Variants in CHRAC1 observed in about 807,000 individuals in gnomAD.
CHRAC1 encodes chromatin accessibility complex protein 1.
In CHRAC1, 6 loss-of-function variants were observed where a neutral mutation model predicts 9.1. That is an observed-to-expected ratio of 0.66 (90% CI 0.36 to 1.29). The LOEUF (loss-of-function observed/expected upper bound fraction) is 1.29. Ranked by LOEUF, CHRAC1 falls within the 50% of genes most tolerant of loss-of-function variation. The probability of loss-of-function intolerance (pLI) is 0.03; values close to 1 mark genes in which losing one functional copy is unlikely to be tolerated. For synonymous variants in CHRAC1, 73 were observed against 64.5 expected, an observed-to-expected ratio of 1.13 and a Z score of -0.63; for missense variants, 168 against 163.5, an observed-to-expected ratio of 1.03 and a Z score of -0.15.
At chr8:140,515,028 A>G (rs1399792048) in intron 2 of CHRAC1, 98 bp from the exon 3 acceptor site, 3 of 1,175,364 alleles carry the variant, frequency 2.6e-6, no homozygotes, top group African/African-American at 3.1e-5. Flanking sequence ...GGAACCTCTT[A>G]TAGAGGTCAA....
Position 140,511,533 on chromosome 8 carries a change from G to A in CHRAC1, c.34G>A (p.Gly12Arg). 1 of 1,403,318 alleles carries A rather than the reference G, an allele frequency of 7.1e-7. No individual in the cohort carries two copies. The highest frequency in any genetic ancestry group is 1.5e-5 in the African/African-American group (1 of 67,002). 86.9% of individuals were successfully genotyped at this position (1,403,318 alleles called of 1,614,324 possible). A position where few individuals can be genotyped will look rare whatever the true frequency, so the allele number is the denominator to read the frequency against. Residue 12 changes from glycine to arginine, a missense_variant, in exon 1 of 3, where the codon GGG becomes AGG. Coordinates refer to ENST00000220913, the MANE Select transcript of CHRAC1 (RefSeq NM_017444.6). ...CGTGGTCGTGGGTAAAGACAAGGGC[G>A]GGGAGCAGCGGCTCATCTCGCTGCC... ...ADVVVGKDKG[G>R]EQRLISLPLS...
Position 140,511,404 on chromosome 8 carries a change from C to G in CHRAC1, c.-96C>G. ...CCACACTACAACTCCCACGGGGCAG[C>G]GGGCGCGGCTCCCCGTACCCACCAG... On this transcript the variant is annotated 5_prime_UTR_variant, in exon 1 of 3. Transcript: ENST00000220913. The G allele has an allele frequency of 9.0e-7, 1 of 1,110,452 alleles. No individual in the cohort carries two copies. The highest frequency in any genetic ancestry group is 1.2e-6 in the Non-Finnish European group (1 of 856,938). The allele number at this position is 1,110,452 out of a possible 1,614,324, so 68.8% of individuals were successfully genotyped here. A position where few individuals can be genotyped will look rare whatever the true frequency, so the allele number is the denominator to read the frequency against.
rs189000781 is a variant in CHRAC1, at chr8:140,512,246, C to T, written c.147+600C>T. Among the ~76,000 whole-genome samples, 115 of 152,282 alleles carry T rather than the reference C, an allele frequency of 7.6e-4. No homozygotes were observed. In the Middle Eastern group the frequency reaches 0.01, roughly 14 times the overall value. On this transcript the variant is annotated intron_variant, in intron 1 of 2. Coordinates refer to ENST00000220913, the MANE Select transcript of CHRAC1 (RefSeq NM_017444.6). The stretch of plus-strand genomic sequence containing the variant: ...CTGCTTCGTGCTTTGAGGGCCCTAA[C>T]TCCTCCAGTGTCCCGTGGGAGGGGC...
At chr8:140,514,818 G>A (rs1031727119) in intron 2 of CHRAC1, 8 of 363,356 alleles carry the variant, frequency 2.2e-5, no homozygotes, top group Admixed American at 9.0e-5. Flanking sequence ...CTACATGGCC[G>A]TAGTTAGAGC....
In CHRAC1 at chr8:140,515,958, T is replaced by TG. The variant is rs2072331551; in HGVS notation, c.*711_*712insG. 1 of 152,174 alleles carries TG rather than the reference T, an allele frequency of 6.6e-6. No individual in the cohort carries two copies. The highest frequency in any genetic ancestry group is 1.5e-5 in the Non-Finnish European group (1 of 68,032). 9.4% of individuals were successfully genotyped at this position (152,174 alleles called of 1,614,324 possible). A position where few individuals can be genotyped will look rare whatever the true frequency, so the allele number is the denominator to read the frequency against. ...ATCAAATACAAAAATAAGTCTTACC[T>TG]CTTGTATAAGCATGTTGTACTAAAA... On this transcript the variant is annotated 3_prime_UTR_variant, in exon 3 of 3. Coordinates refer to ENST00000220913, the MANE Select transcript of CHRAC1 (RefSeq NM_017444.6).
chr8:140,514,530 G>A (rs1206407878), intron 2 of CHRAC1, 35 bp downstream of exon 2: 3 of 1,512,232 alleles, frequency 2.0e-6, no homozygotes, highest in South Asian at 1.3e-5. Flanking sequence ...GTTAAAAAAT[G>A]ATTAGTAATC....
Position 140,511,495 on chromosome 8 carries a change from G to C in CHRAC1, c.-5G>C, listed in dbSNP as rs746662892. On this transcript the variant is annotated 5_prime_UTR_variant, in exon 1 of 3. Coordinates refer to ENST00000220913, the MANE Select transcript of CHRAC1 (RefSeq NM_017444.6). ...GCTGCGGGCACCCGCGCGACGGGCG[G>C]GAAGATGGCGGACGTGGTCGTGGGT... is the stretch of plus-strand genomic sequence containing the variant. 9.1e-6 allele frequency: 12 copies of C among 1,324,106 alleles called. No individual in the cohort carries two copies. In the South Asian group the frequency reaches 2.4e-4, roughly 27 times the overall value. The allele number at this position is 1,324,106 out of a possible 1,614,324, so 82.0% of individuals were successfully genotyped here.
chr8:140,513,858 T>C (rs1008015830), intron 1 of CHRAC1, among the ~76,000 whole-genome samples: 2 of 151,872 alleles, frequency 1.3e-5, no homozygotes, highest in African/African-American at 4.8e-5. Flanking sequence ...CCGCCAATTT[T>C]GATACTGGCT....
intron 1 of CHRAC1, among the ~76,000 whole-genome samples, chr8:140,514,124 T>C (rs2072310206): frequency 6.6e-6 from 1 of 152,070 alleles, no homozygotes; most frequent in Non-Finnish European, 1.5e-5. Flanking sequence ...CAGTCTGGTC[T>C]CAAACTCCTG....
At chr8:140,511,970 C>G (rs1360013695) in intron 1 of CHRAC1, 1 of 1,295,808 alleles carries the variant, frequency 7.7e-7, no homozygotes, top group Non-Finnish European at 1.0e-6. Context: ...GCACCTTCGC[C>G]CCGCCCACCC....
intron 1 of CHRAC1, among the ~76,000 whole-genome samples, chr8:140,513,913 CTTTTTTTTTTTT>C (rs57880666): frequency 0.15 from 13,565 of 88,360 alleles, 895 homozygotes; most frequent in Middle Eastern, 0.34. Context: ...CCAGTGATTT[CTTTTTTTTTTTT>C]TTTTTTTTTT....
In CHRAC1 at chr8:140,511,564, C is replaced by G; in HGVS notation, c.65C>G (p.Ser22Cys). Residue 22 changes from serine to cysteine, a missense_variant, in exon 1 of 3, where the codon TCC (serine) becomes TGC (cysteine). Transcript: ENST00000220913. ...CAGCGGCTCATCTCGCTGCCTCTAT[C>G]CCGCATCCGGGTCATCATGAAGAGC... is the stretch of plus-strand genomic sequence containing the variant. ...GEQRLISLPL[S>C]RIRVIMKSSP... is the part of the protein sequence containing the mutation. The G allele has an allele frequency of 6.8e-7, 1 of 1,465,834 alleles. No individual in the cohort carries two copies. Among genetic ancestry groups the G allele is most frequent in the Non-Finnish European group, 9.1e-7 (1 of 1,101,298 alleles). The allele number at this position is 1,465,834 out of a possible 1,614,324, so 90.8% of individuals were successfully genotyped here. A position where few individuals can be genotyped will look rare whatever the true frequency, so the allele number is the denominator to read the frequency against.
In CHRAC1 at chr8:140,515,413, C is replaced by CA; in HGVS notation, c.*167dup. On this transcript the variant is annotated 3_prime_UTR_variant, in exon 3 of 3. Transcript: ENST00000220913. ...CTTTCCAGGCCGAGATTGAGCACCT[C>CA]ATGTACCTACGCCACAGACAGCCAG... The CA allele has an allele frequency of 1.6e-6, 1 of 640,372 alleles. No homozygotes were observed. The highest frequency in any genetic ancestry group is 2.5e-6 in the Non-Finnish European group (1 of 396,900). The allele number at this position is 640,372 out of a possible 1,614,324, so 39.7% of individuals were successfully genotyped here. A position where few individuals can be genotyped will look rare whatever the true frequency, so the allele number is the denominator to read the frequency against.
intron 1 of CHRAC1, 169 bp from the exon 2 acceptor site, chr8:140,514,200 C>T (rs1052344342): frequency 2.9e-6 from 2 of 680,210 alleles, no homozygotes; most frequent in East Asian, 7.6e-5. Flanking sequence ...GCCACCACGC[C>T]TGGCCTCCCC....
rs549495679 is a variant in CHRAC1 at position 140,516,523 on chromosome 8, G to C, written c.*1276G>C. ...GTAAAATCACCCTTTTTAGTGTCTA[G>C]TCTGTGAATTTTGACAAATGCATGG... On this transcript the variant is annotated 3_prime_UTR_variant, in exon 3 of 3. Coordinates refer to ENST00000220913, the MANE Select transcript of CHRAC1 (RefSeq NM_017444.6). 1 of 152,190 alleles carries C rather than the reference G, an allele frequency of 6.6e-6. No homozygotes were observed. The highest frequency in any genetic ancestry group is 2.4e-5 in the African/African-American group (1 of 41,524). 9.4% of individuals were successfully genotyped at this position (152,190 alleles called of 1,614,324 possible).
rs754773864 is a variant in CHRAC1 at position 140,511,558 on chromosome 8, C to A, written c.59C>A (p.Pro20His). The change falls in exon 1 of 3, where the codon CCT (proline) becomes CAT (histidine). Residue 20 changes from proline to histidine, a missense_variant. Transcript: ENST00000220913. ...KGGEQRLISL[P>H]LSRIRVIMKS... is the part of the protein sequence containing the mutation. ...GGGGAGCAGCGGCTCATCTCGCTGC[C>A]TCTATCCCGCATCCGGGTCATCATG... The A allele has an allele frequency of 4.1e-6, 6 of 1,458,962 alleles. No homozygotes were observed. The highest frequency in any genetic ancestry group is 4.7e-5 in the Admixed American group (2 of 42,394). 90.4% of individuals were successfully genotyped at this position (1,458,962 alleles called of 1,614,324 possible).
At position 140,514,409 on chromosome 8, in the gene CHRAC1, A is replaced by G. The variant is rs781501575; in HGVS notation, c.188A>G (p.His63Arg). 2.4e-5 allele frequency: 38 copies of G among 1,588,354 alleles called. No homozygotes were observed. The highest frequency in any genetic ancestry group is 3.2e-5 in the Non-Finnish European group (38 of 1,172,834). Residue 63 changes from histidine (H) to arginine (R), a missense_variant, in exon 2 of 3, where the codon CAC becomes CGC. Physicochemically the swap from His to Arg is conservative, Grantham distance 29. Transcript: ENST00000220913. ...TGCCTAGCCACCTATTCCTACAGAC[A>G]CGGCAGTGGAAAGGAAAAGAAAGTA... ...VQCLATYSYR[H>R]GSGKEKKVLT... is the part of the protein sequence containing the mutation.
chr8:140,515,054 A>G (rs1212713673), intron 2 of CHRAC1, 72 bp from the exon 3 acceptor site: 1 of 1,467,102 alleles, frequency 6.8e-7, no homozygotes, highest in Non-Finnish European at 9.4e-7. Flanking sequence ...GAACTAGTAC[A>G]TTTTGAAATG....
chr8:140,511,553 G>A lies in CHRAC1; in HGVS notation c.54G>A (p.Ser18=), dbSNP rs2072273810. The A allele has an allele frequency of 6.9e-7, 1 of 1,445,790 alleles. No individual in the cohort carries two copies. The highest frequency in any genetic ancestry group is 9.2e-7 in the Non-Finnish European group (1 of 1,091,314). The allele number at this position is 1,445,790 out of a possible 1,614,324, so 89.6% of individuals were successfully genotyped here. A position where few individuals can be genotyped will look rare whatever the true frequency, so the allele number is the denominator to read the frequency against. ...KDKGGEQRLI[S]LPLSRIRVIM... The stretch of plus-strand genomic sequence containing the variant: ...AGGGCGGGGAGCAGCGGCTCATCTC[G>A]CTGCCTCTATCCCGCATCCGGGTCA... Residue 18 remains serine (S), a synonymous_variant, in exon 1 of 3, where the codon TCG becomes TCA. Coordinates refer to ENST00000220913, the MANE Select transcript of CHRAC1 (RefSeq NM_017444.6).
Sources: gnomAD v4.1 joint callset for allele counts (sites outside exome capture counted in the v4.1 genomes callset) on GRCh38, gnomAD v4.1.1 for gene constraint, MANE v1.5 for transcripts, NCBI Gene and HGNC (gene_info 2026-07-23, HGNC 2026-07-21) for gene names.